The following KCNQ5 variants were observed in gnomAD, a reference collection of about 807,000 sequenced individuals.
KCNQ5 encodes the protein potassium voltage-gated channel subfamily Q member 5.
Under a neutral mutation model 98.2 loss-of-function variants are expected in KCNQ5, and 30 were observed. That is an observed-to-expected ratio of 0.31 (90% CI 0.23 to 0.41). KCNQ5 has a LOEUF of 0.41. Ranked by LOEUF, KCNQ5 falls within the 10% of genes least tolerant of loss-of-function variation. The pLI is 1.00. For synonymous variants in KCNQ5, 458 were observed against 449.4 expected (o/e 1.02, Z -0.24); for missense variants, 835 against 1,182.5 (o/e 0.71, Z 4.31).
chr6:73,124,021 A>G (rs1775849806), intron 8 of KCNQ5, among the ~76,000 whole-genome samples: 1 of 152,192 alleles, frequency 6.6e-6, no homozygotes, highest in African/African-American at 2.4e-5. Context: ...CTCCAAGGAA[A>G]TTTAGATTTT....
chr6:72,766,105 G>A (rs1327850537), intron 1 of KCNQ5, among the ~76,000 whole-genome samples: 1 of 151,982 alleles, frequency 6.6e-6, no homozygotes, highest in African/African-American at 2.4e-5. Context: ...TAGATAGGAT[G>A]GTCAGGGAAG....
chr6:73,118,317 T>A (rs1224865548), intron 7 of KCNQ5, among the ~76,000 whole-genome samples: 1 of 152,238 alleles, frequency 6.6e-6, no homozygotes, highest in African/African-American at 2.4e-5. Flanking sequence ...TCACATGAAG[T>A]TCATCCATGT....
chr6:72,670,528 C>T (rs1767049173), intron 1 of KCNQ5, among the ~76,000 whole-genome samples: 1 of 152,102 alleles, frequency 6.6e-6, no homozygotes, highest in Non-Finnish European at 1.5e-5. Context: ...ATCCCAAAAT[C>T]TGTCATAATC....
chr6:72,746,916 A>G (rs1304957155), intron 1 of KCNQ5, among the ~76,000 whole-genome samples: 1 of 152,202 alleles, frequency 6.6e-6, no homozygotes, highest in Non-Finnish European at 1.5e-5. Context: ...GATTCTATCT[A>G]GCAGAACTGC....
chr6:73,063,713 TAGATAGATGATAGATA>T (rs1406758662), intron 3 of KCNQ5, among the ~76,000 whole-genome samples: 4 of 109,486 alleles, frequency 3.7e-5, no homozygotes, highest in African/African-American at 1.4e-4. Context: ...GATAGATAGA[TAGATAGATGATAGATA>T]GATAGATAGA....
chr6:73,075,214 G>A (rs867332768), intron 3 of KCNQ5, among the ~76,000 whole-genome samples: 28 of 139,054 alleles, frequency 2.0e-4, no homozygotes, highest in African/African-American at 5.1e-4. Context: ...AATAATCAGC[G>A]TATAGTCTCA....
intron 1 of KCNQ5, among the ~76,000 whole-genome samples, chr6:72,662,306 C>T (rs1766567890): frequency 6.6e-6 from 1 of 151,918 alleles, no homozygotes; most frequent in Non-Finnish European, 1.5e-5. Flanking sequence ...TATTTTATGT[C>T]CTAGGAATAA....
intron 11 of KCNQ5, 41 bp from the exon 12 acceptor site, chr6:73,190,532 A>G (rs769127270): frequency 9.3e-7 from 1 of 1,075,056 alleles, no homozygotes; most frequent in Non-Finnish European, 1.3e-6. Context: ...ACTTATATTA[A>G]CAGAGTTATA....
intron 1 of KCNQ5, among the ~76,000 whole-genome samples, chr6:72,860,293 C>A (rs1005131159): frequency 6.6e-6 from 1 of 152,054 alleles, no homozygotes; most frequent in African/African-American, 2.4e-5. Context: ...AATACCTAAC[C>A]CTCTGAACTA....
chr6:73,045,111 C>T (rs1234226867), intron 3 of KCNQ5, among the ~76,000 whole-genome samples: 2 of 152,168 alleles, frequency 1.3e-5, no homozygotes, highest in African/African-American at 2.4e-5. Context: ...GGGCTAATTA[C>T]TGAAGGTTTT....
chr6:72,955,920 T>TCAAAA (rs550603727), intron 1 of KCNQ5, among the ~76,000 whole-genome samples: 1,963 of 151,916 alleles, frequency 0.013, 40 homozygotes, highest in African/African-American at 0.04. Flanking sequence ...AGACTCCATC[T>TCAAAA]CAAAACAAAA....
At chr6:73,151,809 T>G (rs1477536673) in intron 10 of KCNQ5, among the ~76,000 whole-genome samples, 1 of 152,226 alleles carries the variant, frequency 6.6e-6, no homozygotes, top group Non-Finnish European at 1.5e-5. Flanking sequence ...CAGGATCTTG[T>G]GTTTTTGTCT....
Position 73,097,158 on chromosome 6 carries a change from T to TATATATATATATATAC in KCNQ5, c.919-8098_919-8097insTATATATATATATACA, listed in dbSNP as rs978966757. ...AATAGATCTCATATATATATATATA[T>TATATATATATATATAC]ACACACACACATACACATATTGTTC... On this transcript the variant is annotated intron_variant, in intron 5 of 13. Transcript: ENST00000370398. 2.0e-3 allele frequency among the ~76,000 whole-genome samples: 295 copies of TATATATATATATATAC among 146,968 alleles called. 1 individual carries two copies. The highest frequency in any genetic ancestry group is 6.8e-3 in the African/African-American group (275 of 40,614).
intron 10 of KCNQ5, among the ~76,000 whole-genome samples, chr6:73,164,724 A>G (rs1159584000): frequency 3.4e-5 from 5 of 147,912 alleles, no homozygotes; most frequent in African/African-American, 1.3e-4. Flanking sequence ...AAAGGACTCT[A>G]TATTTTATGC....
At chr6:73,110,172 A>C (rs1046406379) in intron 6 of KCNQ5, among the ~76,000 whole-genome samples, 1 of 152,232 alleles carries the variant, frequency 6.6e-6, no homozygotes, top group African/African-American at 2.4e-5. Context: ...CTTAGTGCTT[A>C]TAAAATGTCC....
intron 1 of KCNQ5, among the ~76,000 whole-genome samples, chr6:72,925,263 C>G (rs114465060): frequency 6.6e-5 from 10 of 152,038 alleles, no homozygotes; most frequent in African/African-American, 1.9e-4. Flanking sequence ...ATATATGGAG[C>G]CTTGGAAATC....
intron 1 of KCNQ5, among the ~76,000 whole-genome samples, chr6:72,721,425 T>G (rs1473955047): frequency 6.6e-6 from 1 of 152,178 alleles, no homozygotes; most frequent in Non-Finnish European, 1.5e-5. Flanking sequence ...TTTAAAGTCC[T>G]GATCTCATTC....
chr6:73,013,972 T>C (rs1046487512), intron 2 of KCNQ5, among the ~76,000 whole-genome samples: 7 of 152,130 alleles, frequency 4.6e-5, no homozygotes, highest in Admixed American at 3.3e-4. Flanking sequence ...TTGCAAATAT[T>C]CAAGAGCCTG....
At chr6:72,644,126 G>A (rs1765468437) in intron 1 of KCNQ5, among the ~76,000 whole-genome samples, 1 of 152,068 alleles carries the variant, frequency 6.6e-6, no homozygotes, top group Admixed American at 6.6e-5. Context: ...TGTTCCATAA[G>A]GTCACTGCAA....
Sources: gnomAD v4.1 joint callset for allele counts (sites outside exome capture counted in the v4.1 genomes callset) on GRCh38, gnomAD v4.1.1 for gene constraint, MANE v1.5 for transcripts, NCBI Gene and HGNC (gene_info 2026-07-23, HGNC 2026-07-21) for gene names.